RBFOX1: variants seen among roughly 807,000 people sequenced by gnomAD.
RBFOX1 encodes the protein RNA binding protein fox-1 homolog 1.
In RBFOX1, 8 loss-of-function variants were observed where a neutral mutation model predicts 57.7. That is an observed-to-expected ratio of 0.14 (90% CI 0.08 to 0.25). The LOEUF (loss-of-function observed/expected upper bound fraction) is 0.25. RBFOX1 is among the 10% of genes least tolerant of loss of function. The probability of loss-of-function intolerance (pLI) is 1.00; values close to 1 mark genes in which losing one functional copy is unlikely to be tolerated. For synonymous variants in RBFOX1, 326 were observed against 222.4 expected (o/e 1.47, Z -4.15); for missense variants, 611 against 548.5 (o/e 1.11, Z -1.14).
At chr16:7,660,431 G>A (rs912210707) in intron 12 of RBFOX1, among the ~76,000 whole-genome samples, 7 of 152,236 alleles carry the variant, frequency 4.6e-5, no homozygotes, top group East Asian at 1.9e-4. Flanking sequence ...TAGCTGCACC[G>A]CAGACATGGA....
At chr16:7,659,764 T>A (rs1042915656) in intron 12 of RBFOX1, among the ~76,000 whole-genome samples, 1 of 152,172 alleles carries the variant, frequency 6.6e-6, no homozygotes, top group African/African-American at 2.4e-5. Flanking sequence ...AGTTTTAAAA[T>A]GTAATCCAAA....
intron 2 of RBFOX1, among the ~76,000 whole-genome samples, chr16:6,417,259 C>G (rs1481327441): frequency 1.3e-5 from 2 of 151,794 alleles, no homozygotes; most frequent in Non-Finnish European, 2.9e-5. Flanking sequence ...ATCCACCCAC[C>G]TTGGCTGTGG....
At chr16:5,389,279 C>T (rs185570389) in intron 1 of RBFOX1, among the ~76,000 whole-genome samples, 2 of 152,122 alleles carry the variant, frequency 1.3e-5, no homozygotes, top group African/African-American at 4.8e-5. Context: ...AGTGGAAATC[C>T]TCGTTCTCAG....
intron 2 of RBFOX1, among the ~76,000 whole-genome samples, chr16:6,347,888 C>T (rs1475801852): frequency 1.3e-5 from 2 of 152,204 alleles, no homozygotes; most frequent in Non-Finnish European, 2.9e-5. Flanking sequence ...TGACCTCCAA[C>T]AGCTCATTTG....
chr16:6,737,177 G>A (rs970020326), intron 3 of RBFOX1, among the ~76,000 whole-genome samples: 24 of 152,060 alleles, frequency 1.6e-4, no homozygotes, highest in African/African-American at 5.8e-4. Context: ...TGGCAAGAAT[G>A]GTAGATATTT....
intron 4 of RBFOX1, among the ~76,000 whole-genome samples, chr16:7,341,760 CTCCTTCCCTCCCTCCCTCCT>C (rs1568306104): frequency 9.5e-5 from 10 of 104,820 alleles, no homozygotes; most frequent in Non-Finnish European, 1.9e-4. Context: ...CCCTCCTTCC[CTCCTTCCCTCCCTCCCTCCT>C]TCCTTCCTTC....
chr16:6,060,130 T>TG (rs2095665825), intron 1 of RBFOX1, among the ~76,000 whole-genome samples: 1 of 11,668 alleles, frequency 8.6e-5, no homozygotes, highest in South Asian at 1.7e-3. Context: ...GGGTTTTTTT[T>TG]TTTTTTTTTT....
chr16:5,608,203 G>A (rs923461669), intron 3 of RBFOX1, among the ~76,000 whole-genome samples: 1 of 152,140 alleles, frequency 6.6e-6, no homozygotes, highest in African/African-American at 2.4e-5. Flanking sequence ...ACACCCCGGG[G>A]GCAAGTGTGG....
At chr16:6,941,242 C>T (rs981910054) in intron 3 of RBFOX1, among the ~76,000 whole-genome samples, 1 of 142,908 alleles carries the variant, frequency 7.0e-6, no homozygotes, top group Non-Finnish European at 1.5e-5. Flanking sequence ...CCCTCCATCC[C>T]CTCCCATTCC....
intron 4 of RBFOX1, among the ~76,000 whole-genome samples, chr16:5,932,487 G>A (rs2059081852): frequency 1.3e-5 from 2 of 152,196 alleles, no homozygotes; most frequent in Non-Finnish European, 2.9e-5. Context: ...TAAGCAGACA[G>A]AGACCCCAGC....
intron 4 of RBFOX1, among the ~76,000 whole-genome samples, chr16:5,912,222 C>T (rs552590987): frequency 6.6e-6 from 1 of 152,264 alleles, no homozygotes; most frequent in African/African-American, 2.4e-5. Flanking sequence ...AGGGGGTTTG[C>T]TGAGGTTACC....
chr16:6,501,143 T>TTA (rs1021734264), intron 2 of RBFOX1, among the ~76,000 whole-genome samples: 8 of 150,172 alleles, frequency 5.3e-5, no homozygotes, highest in Non-Finnish European at 1.2e-4. Flanking sequence ...TTTTTTTTTT[T>TTA]TTTTTTTTTA....
chr16:5,240,896 C>T (rs1441117309), intron 1 of RBFOX1, among the ~76,000 whole-genome samples: 3 of 152,142 alleles, frequency 2.0e-5, no homozygotes, highest in African/African-American at 7.2e-5. Context: ...TGGGGAGGCA[C>T]GCGGGTTTGG....
intron 4 of RBFOX1, among the ~76,000 whole-genome samples, chr16:7,097,287 C>G (rs975559983): frequency 6.6e-6 from 1 of 152,070 alleles, no homozygotes; most frequent in Non-Finnish European, 1.5e-5. Context: ...TTCCAGGAGG[C>G]TAGGCTGGCT....
intron 3 of RBFOX1, among the ~76,000 whole-genome samples, chr16:6,947,137 C>T (rs943604667): frequency 6.6e-6 from 1 of 152,146 alleles, no homozygotes; most frequent in African/African-American, 2.4e-5. Context: ...AGCACATAAC[C>T]TGGCCCATGT....
Position 7,398,553 on chromosome 16 carries a change from G to T in RBFOX1, c.28-119594G>T, listed in dbSNP as rs1030516458. Among the ~76,000 whole-genome samples, 4 of 152,220 alleles carry T rather than the reference G, an allele frequency of 2.6e-5. No individual in the cohort carries two copies. In the South Asian group the frequency reaches 8.3e-4, roughly 32 times the overall value. On this transcript the variant is annotated intron_variant, in intron 4 of 15. Transcript: ENST00000550418. ...TCTTGCAAATTCAGTCGCTTACCCA[G>T]ATGTTAGTTGTTTGATCCCCAGTGT...
Position 6,921,134 on chromosome 16 carries a change from C to G in RBFOX1, c.-15-130923C>G, listed in dbSNP as rs150383511. Reference sequence around the variant, plus strand: ...GATAAGTTTCCTAAACTCCCCCAGGCTGCCATCTCTTCATTTAGGAAATGG... The same window carrying G: ...GATAAGTTTCCTAAACTCCCCCAGGGTGCCATCTCTTCATTTAGGAAATGG... On this transcript the variant is annotated intron_variant, in intron 3 of 15. Transcript: ENST00000550418. Among the ~76,000 whole-genome samples the G allele has an allele frequency of 2.0e-3, 310 of 152,316 alleles. 1 individual carries two copies. Among genetic ancestry groups the G allele is most frequent in the African/African-American group, 7.1e-3 (295 of 41,568 alleles).
intron 2 of RBFOX1, among the ~76,000 whole-genome samples, chr16:6,553,383 A>T (rs1450989324): frequency 1.3e-5 from 2 of 152,240 alleles, no homozygotes; most frequent in Non-Finnish European, 2.9e-5. Context: ...CTATTCAGTG[A>T]ACGTCTATCA....
intron 4 of RBFOX1, among the ~76,000 whole-genome samples, chr16:7,309,818 A>G (rs938310033): frequency 1.3e-5 from 2 of 152,198 alleles, no homozygotes; most frequent in Non-Finnish European, 2.9e-5. Flanking sequence ...TTGGGTGATG[A>G]GCAGCACATG....
Sources: allele counts gnomAD v4.1 joint callset (sites outside exome capture counted in the v4.1 genomes callset), GRCh38; gene constraint gnomAD v4.1.1; transcripts MANE v1.5; gene names NCBI Gene and HGNC (gene_info 2026-07-23, HGNC 2026-07-21).